SYT10: variants seen among roughly 807,000 people sequenced by gnomAD.
The protein encoded by SYT10 is synaptotagmin-10.
A neutral mutation model predicts 51.1 loss-of-function variants in SYT10; 31 were observed. That is an observed-to-expected ratio of 0.61 (90% CI 0.46 to 0.82). The LOEUF (loss-of-function observed/expected upper bound fraction) is 0.82. SYT10 is among the 40% of genes least tolerant of loss of function. The probability of loss-of-function intolerance (pLI) is 0.00; values close to 1 mark genes in which losing one functional copy is unlikely to be tolerated. For missense variants in SYT10, 603 were observed against 634.0 expected, an observed-to-expected ratio of 0.95 and a Z score of 0.53; for synonymous variants, 233 against 225.9, an observed-to-expected ratio of 1.03 and a Z score of -0.28.
chr12:33,377,362 C>T lies in SYT10; in HGVS notation c.1501-461G>A, dbSNP rs765963330. On this transcript the variant is annotated intron_variant, in intron 6 of 6. Coordinates refer to ENST00000228567, the MANE Select transcript of SYT10 (RefSeq NM_198992.4). ...TAATTTTTGTATTTTTAGTAGAGAT[C>T]GGGTTTCACCATGTTGGCCAGGCTG... is the stretch of plus-strand genomic sequence containing the variant. Among the ~76,000 whole-genome samples, 8 of 149,852 alleles carry T rather than the reference C, an allele frequency of 5.3e-5. No individual in the cohort carries two copies. In the East Asian group the frequency reaches 6.0e-4, roughly 11 times the overall value.
At chr12:33,397,696 A>G (rs1866268789) in intron 3 of SYT10, among the ~76,000 whole-genome samples, 1 of 151,974 alleles carries the variant, frequency 6.6e-6, no homozygotes, top group African/African-American at 2.4e-5. Context: ...AGAGGGAACA[A>G]AGTGCCTAAT....
chr12:33,400,320 T>C (rs1866291639), intron 3 of SYT10, among the ~76,000 whole-genome samples: 1 of 152,112 alleles, frequency 6.6e-6, no homozygotes, highest in Non-Finnish European at 1.5e-5. Context: ...TATTAAAAAA[T>C]TTTAGTAATG....
intron 3 of SYT10, among the ~76,000 whole-genome samples, chr12:33,402,963 C>T (rs1866319186): frequency 6.6e-6 from 1 of 151,902 alleles, no homozygotes; most frequent in Admixed American, 6.6e-5. Context: ...GATAATAAAG[C>T]AAGTCTTAAT....
In SYT10 at chr12:33,439,584, A is replaced by G; in HGVS notation, c.-62T>C. 1.3e-6 allele frequency: 2 copies of G among 1,570,672 alleles called. No homozygotes were observed. The highest frequency in any genetic ancestry group is 1.7e-6 in the Non-Finnish European group (2 of 1,155,640). On this transcript the variant is annotated 5_prime_UTR_variant, in exon 1 of 7. Transcript: ENST00000228567. ...GTTAGCCGTCTTTTCCTCTTCCCGT[A>G]CCTCTAACCCCTCTGGCGCCCTAAG...
At chr12:33,389,196 T>C (rs1475405197) in intron 3 of SYT10, among the ~76,000 whole-genome samples, 2 of 152,154 alleles carry the variant, frequency 1.3e-5, no homozygotes, top group African/African-American at 4.8e-5. Context: ...GATGTAGTTG[T>C]TTGATGTCTT....
chr12:33,395,011 C>T (rs1218264494), intron 3 of SYT10, among the ~76,000 whole-genome samples: 1 of 152,174 alleles, frequency 6.6e-6, no homozygotes, highest in Non-Finnish European at 1.5e-5. Flanking sequence ...CGGCGTGAAG[C>T]CAGGAGGTGG....
chr12:33,400,499 C>T (rs1321869394), intron 3 of SYT10, among the ~76,000 whole-genome samples: 2 of 151,914 alleles, frequency 1.3e-5, no homozygotes, highest in Non-Finnish European at 2.9e-5. Flanking sequence ...CATTTTATAA[C>T]TGTAACCAGG....
intron 4 of SYT10, among the ~76,000 whole-genome samples, chr12:33,383,939 A>C (rs1866137075): frequency 6.6e-6 from 1 of 152,220 alleles, no homozygotes; most frequent in Admixed American, 6.5e-5. Context: ...TAGAATAAAC[A>C]ATTTGCAGAG....
Position 33,382,410 on chromosome 12 carries a change from CA to C in SYT10, c.1308del (p.Phe436LeufsTer23). 1 of 1,612,882 alleles carries C rather than the reference CA, an allele frequency of 6.2e-7. No individual in the cohort carries two copies. The highest frequency in any genetic ancestry group is 1.1e-5 in the South Asian group (1 of 90,898). ...LNPVYNEAII[F>X]DIPPENVDQV... The stretch of plus-strand genomic sequence containing the variant: ...TGGTCCACGTTCTCTGGAGGGATGT[CA>C]AAAATAATGGCCTCATTGTACACAG... On this transcript the variant is annotated frameshift_variant, in exon 5 of 7. Coordinates refer to ENST00000228567, the MANE Select transcript of SYT10 (RefSeq NM_198992.4). LOFTEE classifies it high-confidence loss of function.
intron 3 of SYT10, among the ~76,000 whole-genome samples, chr12:33,386,055 G>A (rs113670090): frequency 0.025 from 3,795 of 152,044 alleles, 174 homozygotes; most frequent in African/African-American, 0.087. Flanking sequence ...ACAGAGTCTC[G>A]CTCTGTTGCC....
intron 6 of SYT10, among the ~76,000 whole-genome samples, chr12:33,377,622 TC>T (rs1866074419): frequency 1.2e-5 from 1 of 83,140 alleles, no homozygotes; most frequent in African/African-American, 7.4e-5. Context: ...ATTTTCTTTT[TC>T]TTTTTCTTTT....
Position 33,379,871 on chromosome 12 carries a change from A to G in SYT10, c.1461T>C (p.Tyr487=). 1.2e-6 allele frequency: 2 copies of G among 1,613,992 alleles called. No individual in the cohort carries two copies. Among genetic ancestry groups the G allele is most frequent in the Non-Finnish European group, 1.7e-6 (2 of 1,179,918 alleles). The change falls in exon 6 of 7, where the codon TAT becomes TAC. Residue 487 remains tyrosine, a synonymous_variant. Coordinates refer to ENST00000228567, the MANE Select transcript of SYT10 (RefSeq NM_198992.4). The part of the protein sequence containing the change: ...GRDHWNEMLA[Y]HRKPITHWHP... Reference sequence around the variant, plus strand: ...GCCAGTGCGTTATTGGTTTTCGATGATAGGCCAGCATTTCATTCCAGTGGT... The same window carrying G: ...GCCAGTGCGTTATTGGTTTTCGATGGTAGGCCAGCATTTCATTCCAGTGGT...
chr12:33,414,036 A>G (rs1041806646), intron 2 of SYT10, among the ~76,000 whole-genome samples: 2 of 152,158 alleles, frequency 1.3e-5, no homozygotes, highest in Admixed American at 6.5e-5. Context: ...TTGCAATCCT[A>G]GTATCTGATA....
Position 33,439,699 on chromosome 12 carries a change from G to T in SYT10, c.-177C>A. On this transcript the variant is annotated 5_prime_UTR_variant, in exon 1 of 7. Coordinates refer to ENST00000228567, the MANE Select transcript of SYT10 (RefSeq NM_198992.4). ...GCCCCACGTTGGCCCCATGGCGGGA[G>T]CGGAGGGCGTAGGGGAAGGAGAGGC... 1 of 744,658 alleles carries T rather than the reference G, an allele frequency of 1.3e-6. No homozygotes were observed. Among genetic ancestry groups the T allele is most frequent in the Non-Finnish European group, 2.1e-6 (1 of 479,940 alleles). 46.1% of individuals were successfully genotyped at this position (744,658 alleles called of 1,614,324 possible).
Position 33,439,451 on chromosome 12 carries a change from G to A in SYT10, c.72C>T (p.Cys24=). ...QKALHIVTEL[C]FAGQVEWEKC... ...TCTCCCACTCCACCTGGCCGGCGAA[G>A]CACAGCTCGGTGACGATGTGCAGAG... Residue 24 remains cysteine, a synonymous_variant, in exon 1 of 7, where the codon TGC becomes TGT. Coordinates refer to ENST00000228567, the MANE Select transcript of SYT10 (RefSeq NM_198992.4). 1 of 1,614,228 alleles carries A rather than the reference G, an allele frequency of 6.2e-7. No homozygotes were observed. The highest frequency in any genetic ancestry group is 8.5e-7 in the Non-Finnish European group (1 of 1,180,028).
At chr12:33,431,876 G>A (rs1565500528) in intron 1 of SYT10, among the ~76,000 whole-genome samples, 1 of 152,030 alleles carries the variant, frequency 6.6e-6, no homozygotes, top group Non-Finnish European at 1.5e-5. Flanking sequence ...CCACATATTT[G>A]CACAGTTAGC....
chr12:33,385,233 C>G lies in SYT10; in HGVS notation c.1136G>C (p.Arg379Pro), dbSNP rs1051673503. ...GCACTTAATGACTGTCAATGTCATA[C>G]GCCCAGCCGTCGGTAGGTAACAAAG... Reference protein sequence around the residue: ...FSLCYLPTAGRMTLTVIKCRN... With the variant: ...FSLCYLPTAGPMTLTVIKCRN... Residue 379 changes from arginine to proline, a missense_variant, in exon 4 of 7, where the codon CGT becomes CCT. Physicochemically the swap from Arg to Pro is moderately radical, Grantham distance 103 (BLOSUM62 -2). Transcript: ENST00000228567. The G allele has an allele frequency of 6.2e-7, 1 of 1,613,590 alleles. No homozygotes were observed. The highest frequency in any genetic ancestry group is 8.5e-7 in the Non-Finnish European group (1 of 1,179,784).
intron 2 of SYT10, among the ~76,000 whole-genome samples, chr12:33,414,249 C>T (rs1041343812): frequency 3.7e-4 from 56 of 152,106 alleles, no homozygotes; most frequent in Non-Finnish European, 5.4e-4. Context: ...ACTTTCACAC[C>T]GCACTGTCAA....
At chr12:33,380,035 A>T in intron 5 of SYT10, 74 bp from the exon 6 acceptor site, 1 of 1,480,454 alleles carries the variant, frequency 6.8e-7, no homozygotes, top group Non-Finnish European at 9.1e-7. Flanking sequence ...TCGTAGTAGA[A>T]TTTTAAAAAT....
Sources: gnomAD v4.1 joint callset for allele counts (sites outside exome capture counted in the v4.1 genomes callset) on GRCh38, gnomAD v4.1.1 for gene constraint, MANE v1.5 for transcripts, NCBI Gene and HGNC (gene_info 2026-07-23, HGNC 2026-07-21) for gene names.